MGAT5B: variants seen among roughly 807,000 people sequenced by gnomAD.
MGAT5B encodes the protein alpha-1,6-mannosylglycoprotein 6-beta-N-acetylglucosaminyltransferase B.
In MGAT5B, 54 loss-of-function variants were observed where a neutral mutation model predicts 95.1. The ratio of observed to expected loss-of-function variants is 0.57; its 90% CI spans 0.46 to 0.71. The LOEUF (loss-of-function observed/expected upper bound fraction) is 0.71. MGAT5B is among the 30% of genes least tolerant of loss of function. The probability of loss-of-function intolerance (pLI) is 0.00; values close to 1 mark genes in which losing one functional copy is unlikely to be tolerated. For missense variants in MGAT5B, 935 were observed against 1,088.6 expected (o/e 0.86, Z 1.99); for synonymous variants, 464 against 451.0 (o/e 1.03, Z -0.36).
At chr17:76,897,298 C>T (rs890176844) in intron 3 of MGAT5B, among the ~76,000 whole-genome samples, 10 of 152,094 alleles carry the variant, frequency 6.6e-5, no homozygotes, top group East Asian at 5.8e-4. Context: ...GTAGAGTTGC[C>T]GTAAAAAATG....
chr17:76,905,407 T>G lies in MGAT5B; in HGVS notation c.855+74T>G. ...CCCCCACTTCTGAGTGGGCATGGAA[T>G]AGGTCTTCAAACAAGCTGTAGTGGG... On this transcript the variant is annotated intron_variant, in intron 7 of 17. Coordinates refer to ENST00000569840, the MANE Select transcript of MGAT5B (RefSeq NM_001199172.2). This position sits in a 1 kb window ranked among gnomAD's most constrained non-coding sequence, Gnocchi z 4.2. The G allele has an allele frequency of 1.5e-6, 2 of 1,326,214 alleles. No individual in the cohort carries two copies. The highest frequency in any genetic ancestry group is 2.0e-6 in the Non-Finnish European group (2 of 984,030). The allele number at this position is 1,326,214 out of a possible 1,614,324, so 82.2% of individuals were successfully genotyped here. A position where few individuals can be genotyped will look rare whatever the true frequency, so the allele number is the denominator to read the frequency against.
rs1315789941 is a variant in MGAT5B at position 76,904,235 on chromosome 17, C to A, written c.520-17C>A. On this transcript the variant is annotated splice_polypyrimidine_tract_variant and intron_variant, in intron 5 of 17. Transcript: ENST00000569840. The stretch of plus-strand genomic sequence containing the variant: ...GGGGCTGGCGCAGCCCCCTGCCCAG[C>A]CTGGCCCTCTCTGCAGTGGATGCGT... 1 of 1,596,280 alleles carries A rather than the reference C, an allele frequency of 6.3e-7. No homozygotes were observed. The highest frequency in any genetic ancestry group is 8.5e-7 in the Non-Finnish European group (1 of 1,173,056).
chr17:76,896,579 C>T (rs907615262), intron 3 of MGAT5B, among the ~76,000 whole-genome samples: 4 of 152,184 alleles, frequency 2.6e-5, no homozygotes, highest in Non-Finnish European at 5.9e-5. Context: ...CATTTGGCCT[C>T]ACAGCTTATC....
chr17:76,933,157 G>C, intron 11 of MGAT5B, 135 bp from the exon 12 acceptor site: 1 of 1,063,046 alleles, frequency 9.4e-7, no homozygotes, highest in South Asian at 1.4e-5. Flanking sequence ...AGCAGGAGAG[G>C]CTTAGAGATT....
chr17:76,905,357 G>T lies in MGAT5B; in HGVS notation c.855+24G>T, dbSNP rs1968484212. The T allele has an allele frequency of 1.3e-6, 2 of 1,550,470 alleles. No homozygotes were observed. Among genetic ancestry groups the T allele is most frequent in the Non-Finnish European group, 1.7e-6 (2 of 1,145,628 alleles). ...AGGTGCGTGGCCCCTGCCCCCTCAT[G>T]TGCAGGAGCTGAGAAAGCTCAGGGC... is the stretch of plus-strand genomic sequence containing the variant. On this transcript the variant is annotated intron_variant, in intron 7 of 17. Transcript: ENST00000569840. This position sits in a 1 kb window ranked among gnomAD's most constrained non-coding sequence, Gnocchi z 4.2.
At chr17:76,941,069 G>C (rs1001531006) in intron 15 of MGAT5B, among the ~76,000 whole-genome samples, 1 of 152,210 alleles carries the variant, frequency 6.6e-6, no homozygotes, top group African/African-American at 2.4e-5. Context: ...GTGATGTGTG[G>C]GGAATGCCTT....
At chr17:76,887,605 G>C (rs1474298974) in intron 3 of MGAT5B, among the ~76,000 whole-genome samples, 1 of 144,288 alleles carries the variant, frequency 6.9e-6, no homozygotes, top group Non-Finnish European at 1.5e-5. Context: ...CCAGGCTGGA[G>C]TGCAGTGGTA....
At chr17:76,885,951 T>TA (rs10713550) in intron 3 of MGAT5B, among the ~76,000 whole-genome samples, 4 of 151,864 alleles carry the variant, frequency 2.6e-5, no homozygotes, top group Admixed American at 6.6e-5. Flanking sequence ...TCCTGTGGCT[T>TA]AAAAAAAACA....
chr17:76,929,849 T>G (rs1969426401), intron 10 of MGAT5B, among the ~76,000 whole-genome samples: 1 of 152,210 alleles, frequency 6.6e-6, no homozygotes, highest in Non-Finnish European at 1.5e-5. Flanking sequence ...TTGGTTGCAA[T>G]ACTTCCCTGT....
intron 16 of MGAT5B, among the ~76,000 whole-genome samples, chr17:76,947,534 G>T (rs977327928): frequency 2.6e-5 from 4 of 152,162 alleles, no homozygotes; most frequent in African/African-American, 9.7e-5. Flanking sequence ...GAGCATCGAG[G>T]CAGCTCCAGG....
Position 76,937,985 on chromosome 17 carries a change from C to T in MGAT5B, c.1429-3C>T. On this transcript the variant is annotated splice_region_variant and splice_polypyrimidine_tract_variant and intron_variant, in intron 12 of 17. Transcript: ENST00000569840. ...TTCCCATCTCCTCCTCTTCTTTTTCCAGGGGAAGGAGAAGTTCCTGGGCAT... is the reference window on the plus strand; with the variant it reads ...TTCCCATCTCCTCCTCTTCTTTTTCTAGGGGAAGGAGAAGTTCCTGGGCAT... 1 of 1,611,998 alleles carries T rather than the reference C, an allele frequency of 6.2e-7. No individual in the cohort carries two copies. Among genetic ancestry groups the T allele is most frequent in the South Asian group, 1.1e-5 (1 of 91,032 alleles).
chr17:76,899,436 G>A (rs934621746), intron 3 of MGAT5B, among the ~76,000 whole-genome samples: 1 of 152,126 alleles, frequency 6.6e-6, no homozygotes, highest in African/African-American at 2.4e-5. Context: ...TTGAGCCCAG[G>A]AGTTGGAGAC....
At chr17:76,895,410 A>G (rs1968030302) in intron 3 of MGAT5B, among the ~76,000 whole-genome samples, 1 of 152,176 alleles carries the variant, frequency 6.6e-6, no homozygotes, top group Non-Finnish European at 1.5e-5. Context: ...CCCTGGGTCC[A>G]TGGAAAAATT....
intron 2 of MGAT5B, among the ~76,000 whole-genome samples, chr17:76,878,172 T>G (rs1466130270): frequency 6.6e-6 from 1 of 152,068 alleles, no homozygotes; most frequent in Non-Finnish European, 1.5e-5. Context: ...CGGCCTGACC[T>G]GCTTCCCTCC....
At chr17:76,945,540 C>T (rs1005635485) in intron 15 of MGAT5B, among the ~76,000 whole-genome samples, 4 of 152,158 alleles carry the variant, frequency 2.6e-5, no homozygotes, top group African/African-American at 4.8e-5. Flanking sequence ...CCGCCCACCT[C>T]GGCCTCCCAA....
chr17:76,919,440 G>A (rs950394736), intron 8 of MGAT5B, among the ~76,000 whole-genome samples: 5 of 152,108 alleles, frequency 3.3e-5, no homozygotes, highest in Non-Finnish European at 7.4e-5. Context: ...TAAATTATTC[G>A]TATTTTTAAG....
In MGAT5B at chr17:76,948,141, G is replaced by C. The variant is rs568037419; in HGVS notation, c.2180+55G>C. ...CCGCTATCATCGCTGGCCCAGCCGG[G>C]TTCACTGAGAGCTCTCATGCCCAGA... On this transcript the variant is annotated intron_variant, in intron 17 of 17. Coordinates refer to ENST00000569840, the MANE Select transcript of MGAT5B (RefSeq NM_001199172.2). The C allele has an allele frequency of 3.0e-5, 46 of 1,531,402 alleles. No individual in the cohort carries two copies. The Admixed American group carries it at 8.6e-4, about 29-fold the overall frequency. 94.9% of individuals were successfully genotyped at this position (1,531,402 alleles called of 1,614,324 possible). A position where few individuals can be genotyped will look rare whatever the true frequency, so the allele number is the denominator to read the frequency against.
In MGAT5B at chr17:76,902,562, C is replaced by A. The variant is rs1598932603; in HGVS notation, c.337C>A (p.Pro113Thr). 1 of 1,589,080 alleles carries A rather than the reference C, an allele frequency of 6.3e-7. No individual in the cohort carries two copies. Among genetic ancestry groups the A allele is most frequent in the South Asian group, 1.1e-5 (1 of 87,324 alleles). Residue 113 changes from proline to threonine, a missense_variant, in exon 4 of 18, where the codon CCT (proline) becomes ACT (threonine). By Grantham distance (38) the Pro-to-Thr change is conservative. Around this residue, in one of 4 missense-constraint regions of MGAT5B, gnomAD observed 243 missense variants for 228.2 expected, o/e 1.06. Transcript: ENST00000569840. ...CTGGCTTTTCCCACTTAGGATGCCCCCTGGGGCCGGCCTCATGGAGCGGAT... is the reference window on the plus strand; with the variant it reads ...CTGGCTTTTCCCACTTAGGATGCCCACTGGGGCCGGCCTCATGGAGCGGAT... ...DLHFPADRMP[P>T]GAGLMERIQA...
At chr17:76,928,215 G>A (rs10445236) in intron 10 of MGAT5B, among the ~76,000 whole-genome samples, 34,804 of 151,928 alleles carry the variant, frequency 0.23, 4,303 homozygotes, top group Admixed American at 0.3. Flanking sequence ...TGCAGGGCCC[G>A]TTTCAAGGTT....
Sources: allele counts gnomAD v4.1 joint callset (sites outside exome capture counted in the v4.1 genomes callset), GRCh38; gene constraint gnomAD v4.1.1; regional missense constraint gnomAD v4.1.1; non-coding constraint Gnocchi (gnomAD v3.1); transcripts MANE v1.5; gene names NCBI Gene and HGNC (gene_info 2026-07-23, HGNC 2026-07-21).